The following EYS variants were observed in gnomAD, a reference collection of about 807,000 sequenced individuals.
The protein encoded by EYS is EGF-like photoreceptor maintenance factor.
In EYS, 250 loss-of-function variants were observed where a neutral mutation model predicts 282.1. That is an observed-to-expected ratio of 0.89 (90% confidence interval 0.80 to 0.98). EYS has a LOEUF of 0.98. Among genes scored for constraint, EYS ranks in the 50% least tolerant of loss-of-function variants. The pLI is 0.00. For missense variants in EYS, 4,016 were observed against 3,709.0 expected (o/e 1.08, Z -2.15); for synonymous variants, 1,355 against 1,282.9 (o/e 1.06, Z -1.20).
intron 12 of EYS, among the ~76,000 whole-genome samples, chr6:65,257,590 G>A (rs1767503537): frequency 6.6e-6 from 1 of 150,932 alleles, no homozygotes; most frequent in South Asian, 2.1e-4. Context: ...TAGGTAAGCG[G>A]CGTTATTTCT....
chr6:64,033,785 T>C (rs1206050276), intron 33 of EYS, among the ~76,000 whole-genome samples: 5 of 152,044 alleles, frequency 3.3e-5, no homozygotes, highest in Non-Finnish European at 1.5e-5. Context: ...TGTGTATACA[T>C]ACATTCAATT....
At chr6:64,376,795 T>A (rs959529391) in intron 29 of EYS, among the ~76,000 whole-genome samples, 1 of 152,284 alleles carries the variant, frequency 6.6e-6, no homozygotes, top group Middle Eastern at 3.4e-3. Flanking sequence ...AAAATTTATT[T>A]TTTTTAAAGT....
At chr6:64,598,263 A>G (rs754883167) in intron 24 of EYS, among the ~76,000 whole-genome samples, 2 of 152,224 alleles carry the variant, frequency 1.3e-5, no homozygotes, top group Non-Finnish European at 2.9e-5. Context: ...GATCGAGACC[A>G]TCCTTGCTAA....
At chr6:64,421,258 TA>T (rs976158597) in intron 28 of EYS, among the ~76,000 whole-genome samples, 1 of 151,974 alleles carries the variant, frequency 6.6e-6, no homozygotes, top group African/African-American at 2.4e-5. Context: ...GGAAGCCCCT[TA>T]AAAAAACCCT....
chr6:63,788,299 T>G, intron 38 of EYS, 50 bp from the exon 39 acceptor site: 2 of 1,398,612 alleles, frequency 1.4e-6, no homozygotes, highest in South Asian at 2.7e-5. Context: ...TTCCCCAGGG[T>G]GAAATGTTAA....
At chr6:64,514,623 T>C (rs73767834) in intron 26 of EYS, among the ~76,000 whole-genome samples, 7,825 of 151,920 alleles carry the variant, frequency 0.052, 676 homozygotes, top group African/African-American at 0.18. Flanking sequence ...TAATTTTCTC[T>C]TGTCAAAGTT....
intron 36 of EYS, among the ~76,000 whole-genome samples, chr6:63,819,507 A>G (rs1371289432): frequency 1.3e-5 from 2 of 152,208 alleles, no homozygotes; most frequent in Non-Finnish European, 2.9e-5. Context: ...TGTGGAAAAT[A>G]TAGCACCACG....
At chr6:63,733,838 G>T (rs1768841095) in intron 41 of EYS, among the ~76,000 whole-genome samples, 1 of 152,108 alleles carries the variant, frequency 6.6e-6, no homozygotes, top group African/African-American at 2.4e-5. Flanking sequence ...TGCTCCAAAT[G>T]AAGACAGTAT....
intron 36 of EYS, among the ~76,000 whole-genome samples, chr6:63,809,737 T>C (rs1417482981): frequency 6.6e-6 from 1 of 152,136 alleles, no homozygotes; most frequent in African/African-American, 2.4e-5. Context: ...ATTGTGATAT[T>C]TTCTTTTATA....
chr6:65,371,937 G>C (rs1419949170), intron 8 of EYS, among the ~76,000 whole-genome samples: 1 of 150,554 alleles, frequency 6.6e-6, no homozygotes, highest in Admixed American at 6.7e-5. Flanking sequence ...ATTCTAATTC[G>C]AGCTTTACTT....
At chr6:64,191,599 A>C (rs1375507105) in intron 31 of EYS, among the ~76,000 whole-genome samples, 4 of 151,130 alleles carry the variant, frequency 2.6e-5, no homozygotes, top group Non-Finnish European at 4.4e-5. Context: ...TGTTCTTGTG[A>C]TAGTTTACTG....
chr6:64,966,798 T>A (rs902946650), intron 14 of EYS, among the ~76,000 whole-genome samples: 6 of 152,204 alleles, frequency 3.9e-5, no homozygotes, highest in Non-Finnish European at 8.8e-5. Context: ...GATAATGTCC[T>A]CAATATCCTT....
At chr6:64,158,399 G>GA (rs899010582) in intron 31 of EYS, among the ~76,000 whole-genome samples, 130 of 151,830 alleles carry the variant, frequency 8.6e-4, no homozygotes, top group Admixed American at 2.0e-3. Context: ...TTGATGCTGA[G>GA]AAAAAAAACC....
chr6:65,299,212 A>G (rs1768747755), intron 11 of EYS, among the ~76,000 whole-genome samples: 1 of 152,124 alleles, frequency 6.6e-6, no homozygotes, highest in African/African-American at 2.4e-5. Context: ...TATGATTTGT[A>G]TGTGTTTAAT....
chr6:65,499,046 C>A (rs1454918765), intron 2 of EYS, among the ~76,000 whole-genome samples: 1 of 151,932 alleles, frequency 6.6e-6, no homozygotes. Flanking sequence ...CATAACATCA[C>A]TTGACAGGTT....
chr6:64,669,907 G>A (rs931302329), intron 22 of EYS, among the ~76,000 whole-genome samples: 4 of 152,092 alleles, frequency 2.6e-5, no homozygotes, highest in Non-Finnish European at 5.9e-5. Flanking sequence ...TCAGCTTAAC[G>A]TTAGATAGGT....
chr6:65,306,068 A>G (rs560227028), intron 11 of EYS, among the ~76,000 whole-genome samples: 4 of 152,312 alleles, frequency 2.6e-5, no homozygotes, highest in African/African-American at 9.6e-5. Flanking sequence ...GTGAAGGAAT[A>G]AGCATGATGG....
At chr6:64,023,829 C>G (rs183767755) in intron 33 of EYS, among the ~76,000 whole-genome samples, 1 of 152,156 alleles carries the variant, frequency 6.6e-6, no homozygotes, top group Non-Finnish European at 1.5e-5. Flanking sequence ...CGGGCCAGCG[C>G]GAGTTCCAGG....
intron 22 of EYS, among the ~76,000 whole-genome samples, chr6:64,731,400 C>T (rs548926936): frequency 6.6e-6 from 1 of 152,202 alleles, no homozygotes; most frequent in South Asian, 2.1e-4. Flanking sequence ...AATGGGAAAA[C>T]ATTTTTGCAA....
Sources: allele counts gnomAD v4.1 joint callset (sites outside exome capture counted in the v4.1 genomes callset), GRCh38; gene constraint gnomAD v4.1.1; transcripts MANE v1.5; gene names NCBI Gene and HGNC (gene_info 2026-07-23, HGNC 2026-07-21).